The following GATAD1 variants were observed in gnomAD, a reference collection of about 807,000 sequenced individuals.
GATAD1 encodes the protein GATA zinc finger domain-containing protein 1.
A neutral mutation model predicts 26.5 loss-of-function variants in GATAD1; 12 were observed. That is an observed-to-expected ratio of 0.45 (90% CI 0.29 to 0.73). GATAD1 has a LOEUF of 0.73. GATAD1 is among the 30% of genes least tolerant of loss of function. The pLI, the probability that GATAD1 is intolerant of heterozygous loss-of-function variation, is 0.10. For missense variants in GATAD1, 266 were observed against 342.1 expected, an observed-to-expected ratio of 0.78 and a Z score of 1.75; for synonymous variants, 129 against 133.1, an observed-to-expected ratio of 0.97 and a Z score of 0.21.
chr7:92,481,514 C>T, the GATAD1 span, among the ~76,000 whole-genome samples: 1 of 152,094 alleles, frequency 6.6e-6, no homozygotes, highest in South Asian at 2.1e-4. Context: ...TGATGGCGAG[C>T]CTAAAACAGT....
downstream of GATAD1, among the ~76,000 whole-genome samples, chr7:92,464,674 C>T (rs1008757256): frequency 6.6e-6 from 1 of 152,200 alleles, no homozygotes; most frequent in African/African-American, 2.4e-5. Context: ...GGTCTAACTG[C>T]TGCATGCTTC....
In GATAD1 at chr7:92,447,818, GC is replaced by G; in HGVS notation, c.91del (p.His31IlefsTer93). On this transcript the variant is annotated frameshift_variant, in exon 1 of 5. Transcript: ENST00000287957. LOFTEE classifies it high-confidence loss of function. Reference protein sequence around the residue: ...WKKGAQGEILCHHCTGRGGAG... With the variant: ...WKKGAQGEILXHHCTGRGGAG... Reference sequence around the variant, plus strand: ...AAGGGAGCGCAGGGGGAGATCCTCTGCCATCATTGCACTGGCCGGGGCGGCG... The same window carrying G: ...AAGGGAGCGCAGGGGGAGATCCTCTGCATCATTGCACTGGCCGGGGCGGCG... The G allele has an allele frequency of 6.7e-7, 1 of 1,484,688 alleles. No homozygotes were observed. Among genetic ancestry groups the G allele is most frequent in the South Asian group, 1.3e-5 (1 of 77,902 alleles). The allele number at this position is 1,484,688 out of a possible 1,614,324, so 92.0% of individuals were successfully genotyped here.
the GATAD1 span, chr7:92,468,964 A>G: frequency 1.3e-6 from 1 of 763,656 alleles, no homozygotes. Flanking sequence ...GACAAAGTTA[A>G]CAAGGAGGTT....
chr7:92,449,025 A>G (rs1789302244), intron 2 of GATAD1, 148 bp downstream of exon 2: 2 of 1,050,052 alleles, frequency 1.9e-6, no homozygotes, highest in South Asian at 3.3e-5. Flanking sequence ...CCAAAAGGGA[A>G]TGAGCTCTGT....
At chr7:92,477,808 C>T in the GATAD1 span, 1 of 178,716 alleles carries the variant, frequency 5.6e-6, no homozygotes, top group South Asian at 1.5e-4. Context: ...TGGCAAACAG[C>T]AGTGGTGGAC....
chr7:92,461,351 C>G (rs1338883842), downstream of GATAD1: 1 of 152,246 alleles, frequency 6.6e-6, no homozygotes, highest in African/African-American at 2.4e-5. Flanking sequence ...GGCCCCAACA[C>G]CAAACACAGA....
chr7:92,494,683 G>C, the GATAD1 span: 5 of 1,494,556 alleles, frequency 3.3e-6, no homozygotes, highest in South Asian at 5.7e-5. Flanking sequence ...AGTTGGCAAA[G>C]TGATTTCATA....
At chr7:92,452,073 G>GCAGA (rs1789459863) in intron 3 of GATAD1, among the ~76,000 whole-genome samples, 1 of 152,228 alleles carries the variant, frequency 6.6e-6, no homozygotes, top group African/African-American at 2.4e-5. Flanking sequence ...TAAGCACTTA[G>GCAGA]CAGAGTAAGC....
the GATAD1 span, among the ~76,000 whole-genome samples, chr7:92,476,472 G>T: frequency 6.6e-6 from 1 of 152,150 alleles, no homozygotes; most frequent in Non-Finnish European, 1.5e-5. Context: ...AAAGTGGATT[G>T]GAGTGCTATA....
chr7:92,460,375 G>A (rs952613648), downstream of GATAD1, among the ~76,000 whole-genome samples: 10 of 152,006 alleles, frequency 6.6e-5, no homozygotes, highest in Admixed American at 5.2e-4. Context: ...TTGGTAGGAG[G>A]GTATACCTCC....
Position 92,457,278 on chromosome 7 carries a change from G to T in GATAD1, c.*716G>T, listed in dbSNP as rs1247165780. On this transcript the variant is annotated 3_prime_UTR_variant, in exon 5 of 5. Coordinates refer to ENST00000287957, the MANE Select transcript of GATAD1 (RefSeq NM_021167.5). ...TGGGAGTTCGAGACCAGCCTGGCCA[G>T]CATGGTGAAACCCTGTCTCTACTAA... 1 of 149,716 alleles carries T rather than the reference G, an allele frequency of 6.7e-6. No homozygotes were observed. The highest frequency in any genetic ancestry group is 6.7e-5 in the Admixed American group (1 of 15,026). 9.3% of individuals were successfully genotyped at this position (149,716 alleles called of 1,614,324 possible).
the GATAD1 span, among the ~76,000 whole-genome samples, chr7:92,480,808 G>C: frequency 1.3e-5 from 2 of 152,112 alleles, no homozygotes; most frequent in African/African-American, 4.8e-5. Flanking sequence ...CCTTTTGGTG[G>C]CCCTTGCAGT....
At chr7:92,467,963 C>T in the GATAD1 span, among the ~76,000 whole-genome samples, 1 of 152,192 alleles carries the variant, frequency 6.6e-6, no homozygotes, top group African/African-American at 2.4e-5. Flanking sequence ...TTTGCACCCT[C>T]ATGGTTGTGT....
At chr7:92,495,334 A>G in the GATAD1 span, among the ~76,000 whole-genome samples, 32 of 152,300 alleles carry the variant, frequency 2.1e-4, no homozygotes, top group East Asian at 6.0e-3. Flanking sequence ...AAAAATCAAC[A>G]GCTATCTCAT....
At chr7:92,451,680 C>T (rs1789437746) in intron 3 of GATAD1, among the ~76,000 whole-genome samples, 2 of 152,246 alleles carry the variant, frequency 1.3e-5, no homozygotes, top group South Asian at 4.1e-4. Flanking sequence ...AGGCAAACAT[C>T]TCTCTTATTT....
the GATAD1 span, chr7:92,468,265 C>A: frequency 6.0e-6 from 1 of 166,702 alleles, no homozygotes; most frequent in Non-Finnish European, 1.3e-5. Flanking sequence ...CAGCGGACAC[C>A]CTGCATGATC....
At chr7:92,489,290 T>TAC in the GATAD1 span, 3 of 1,613,258 alleles carry the variant, frequency 1.9e-6, no homozygotes, top group African/African-American at 4.0e-5. Context: ...ATCTGTTACT[T>TAC]ACAGCTCAGC....
At chr7:92,473,135 G>T in the GATAD1 span, 1 of 152,192 alleles carries the variant, frequency 6.6e-6, no homozygotes, top group African/African-American at 2.4e-5. Context: ...TGCAGAAGAA[G>T]GCATCCTGAA....
chr7:92,469,845 C>T, the GATAD1 span: 13 of 773,270 alleles, frequency 1.7e-5, no homozygotes, highest in South Asian at 2.7e-5. Flanking sequence ...GGTTTTGGGC[C>T]GAGACCTCAT....
Sources: allele counts gnomAD v4.1 joint callset (sites outside exome capture counted in the v4.1 genomes callset), GRCh38; gene constraint gnomAD v4.1.1; transcripts MANE v1.5; gene names NCBI Gene and HGNC (gene_info 2026-07-23, HGNC 2026-07-21).